Variants in THRB observed in about 807,000 individuals in gnomAD.
THRB encodes nuclear receptor subfamily 1 group A member 2.
Under a neutral mutation model 47.8 loss-of-function variants are expected in THRB, and 12 were observed. The observed-to-expected ratio is 0.25, with a 90% CI of 0.16 to 0.41. The LOEUF (loss-of-function observed/expected upper bound fraction) is 0.41. Ranked by LOEUF, THRB falls within the 10% of genes least tolerant of loss-of-function variation. THRB has a pLI of 1.00. For synonymous variants in THRB, 218 were observed against 212.2 expected, an observed-to-expected ratio of 1.03 and a Z score of -0.24; for missense variants, 348 against 589.2, an observed-to-expected ratio of 0.59 and a Z score of 4.24.
intron 1 of THRB, among the ~76,000 whole-genome samples, chr3:24,440,796 G>C (rs942839003): frequency 1.3e-5 from 2 of 152,182 alleles, no homozygotes; most frequent in African/African-American, 4.8e-5. Flanking sequence ...AAATTGTACT[G>C]AGGGAAACAG....
chr3:24,340,231 T>C (rs1327593697), intron 1 of THRB, among the ~76,000 whole-genome samples: 3 of 152,238 alleles, frequency 2.0e-5, no homozygotes, highest in Non-Finnish European at 4.4e-5. Context: ...AAATACATAA[T>C]GCATATTTTG....
intron 5 of THRB, among the ~76,000 whole-genome samples, chr3:24,152,888 G>A (rs1291227230): frequency 1.3e-5 from 2 of 151,708 alleles, no homozygotes; most frequent in Non-Finnish European, 2.9e-5. Flanking sequence ...CTTGAACCCA[G>A]GAGGCAGAGG....
chr3:24,189,698 A>C (rs1464272328), intron 5 of THRB, among the ~76,000 whole-genome samples: 1 of 152,240 alleles, frequency 6.6e-6, no homozygotes, highest in African/African-American at 2.4e-5. Flanking sequence ...TTGGGAAAAG[A>C]AATGTACACA....
intron 3 of THRB, among the ~76,000 whole-genome samples, chr3:24,273,594 T>C (rs577322739): frequency 1.3e-5 from 2 of 152,156 alleles, no homozygotes; most frequent in African/African-American, 2.4e-5. Context: ...GACAGAAAGT[T>C]TTTTCATAAC....
chr3:24,229,401 G>A (rs898902864), intron 3 of THRB, among the ~76,000 whole-genome samples: 4 of 152,140 alleles, frequency 2.6e-5, no homozygotes, highest in Admixed American at 1.3e-4. Context: ...GAGAGCTTGT[G>A]AGAAATAGAA....
intron 1 of THRB, among the ~76,000 whole-genome samples, chr3:24,429,877 A>G (rs1173217392): frequency 6.6e-6 from 1 of 152,068 alleles, no homozygotes; most frequent in Non-Finnish European, 1.5e-5. Flanking sequence ...TTAGTTAGAA[A>G]TTACAGGATG....
intron 1 of THRB, among the ~76,000 whole-genome samples, chr3:24,477,891 A>G (rs996785311): frequency 2.0e-5 from 3 of 150,176 alleles, no homozygotes; most frequent in African/African-American, 7.4e-5. Flanking sequence ...TTAGGAATAG[A>G]TTACCTGAAT....
chr3:24,367,845 T>C (rs942520572), intron 1 of THRB, among the ~76,000 whole-genome samples: 3 of 152,076 alleles, frequency 2.0e-5, no homozygotes, highest in African/African-American at 7.2e-5. Flanking sequence ...TGGTGAGAAA[T>C]GCATAAACTG....
intron 1 of THRB, among the ~76,000 whole-genome samples, chr3:24,428,285 C>T (rs767665254): frequency 4.6e-5 from 7 of 152,006 alleles, no homozygotes; most frequent in Non-Finnish European, 1.0e-4. Context: ...TGAACATTGA[C>T]ACATTGGACA....
intron 3 of THRB, among the ~76,000 whole-genome samples, chr3:24,234,794 C>T (rs2048697940): frequency 6.6e-6 from 1 of 152,052 alleles, no homozygotes; most frequent in Non-Finnish European, 1.5e-5. Context: ...GATTTTTTTC[C>T]ACGCCAGGGA....
In THRB at chr3:24,131,846, T is replaced by G. The variant is rs181292532; in HGVS notation, c.885+1470A>C. 3.2e-4 allele frequency among the ~76,000 whole-genome samples: 49 copies of G among 152,300 alleles called. No homozygotes were observed. The East Asian group carries it at 8.7e-3, about 27-fold the overall frequency. On this transcript the variant is annotated intron_variant, in intron 9 of 10. Transcript: ENST00000646209. ...TAAACTTCTATTGTTTTTAAGCCAC[T>G]CAGTCTATGGTATTCTGTTGCAGTG...
At chr3:24,334,808 T>C (rs2062139296) in intron 2 of THRB, among the ~76,000 whole-genome samples, 1 of 152,156 alleles carries the variant, frequency 6.6e-6, no homozygotes, top group African/African-American at 2.4e-5. Context: ...TGCAGAACCA[T>C]CCTGAATGTG....
intron 5 of THRB, among the ~76,000 whole-genome samples, chr3:24,159,697 G>C (rs1016565528): frequency 4.0e-5 from 6 of 151,724 alleles, no homozygotes; most frequent in Non-Finnish European, 5.9e-5. Flanking sequence ...ATTTGGCGAA[G>C]TCTGGAGACA....
chr3:24,307,456 C>T (rs1010811375), intron 2 of THRB, among the ~76,000 whole-genome samples: 2 of 151,954 alleles, frequency 1.3e-5, no homozygotes, highest in Admixed American at 6.6e-5. Flanking sequence ...ACATCATAAC[C>T]GAACCATTTT....
At chr3:24,320,867 T>C (rs996898323) in intron 2 of THRB, among the ~76,000 whole-genome samples, 2 of 152,060 alleles carry the variant, frequency 1.3e-5, no homozygotes, top group East Asian at 1.9e-4. Flanking sequence ...AGGCACTTAT[T>C]TCCTTTCTCC....
At chr3:24,462,268 G>T (rs945821708) in intron 1 of THRB, among the ~76,000 whole-genome samples, 2 of 152,192 alleles carry the variant, frequency 1.3e-5, no homozygotes, top group Non-Finnish European at 2.9e-5. Context: ...GATAGGCTTG[G>T]ACAAGTTACC....
chr3:24,326,952 T>G (rs956973004), intron 2 of THRB, among the ~76,000 whole-genome samples: 1 of 151,028 alleles, frequency 6.6e-6, no homozygotes, highest in Non-Finnish European at 1.5e-5. Flanking sequence ...TGTAGTAGAG[T>G]CAGGGTTTCA....
chr3:24,314,909 T>C (rs2058011719), intron 2 of THRB, among the ~76,000 whole-genome samples: 1 of 152,206 alleles, frequency 6.6e-6, no homozygotes, highest in Non-Finnish European at 1.5e-5. Flanking sequence ...GTAATTTAAT[T>C]TCCTTTTACA....
At chr3:24,165,181 A>G in intron 5 of THRB, 2 of 765,136 alleles carry the variant, frequency 2.6e-6, no homozygotes, top group Non-Finnish European at 4.8e-6. Flanking sequence ...TATAAGGCTG[A>G]TTCACTGCCC....
Sources: gnomAD v4.1 joint callset for allele counts (sites outside exome capture counted in the v4.1 genomes callset) on GRCh38, gnomAD v4.1.1 for gene constraint, MANE v1.5 for transcripts, NCBI Gene and HGNC (gene_info 2026-07-23, HGNC 2026-07-21) for gene names.